Variants in GRM7 observed in about 807,000 individuals in gnomAD.
GRM7 encodes metabotropic glutamate receptor 7.
Under a neutral mutation model 84.5 loss-of-function variants are expected in GRM7, and 35 were observed. That is an observed-to-expected ratio of 0.41 (90% CI 0.32 to 0.55). GRM7 has a LOEUF of 0.55. Ranked by LOEUF, GRM7 falls within the 20% of genes least tolerant of loss-of-function variation. The pLI, the probability that GRM7 is intolerant of heterozygous loss-of-function variation, is 0.19. For missense variants in GRM7, 1,003 were observed against 1,194.6 expected (o/e 0.84, Z 2.36); for synonymous variants, 487 against 455.1 (o/e 1.07, Z -0.89).
chr3:7,332,992 C>G (rs1201616085), intron 4 of GRM7, among the ~76,000 whole-genome samples: 2 of 152,148 alleles, frequency 1.3e-5, no homozygotes, highest in Non-Finnish European at 2.9e-5. Flanking sequence ...TTATATCCCC[C>G]TTCTACTACC....
intron 9 of GRM7, among the ~76,000 whole-genome samples, chr3:7,719,487 A>G (rs1010553864): frequency 6.6e-6 from 1 of 152,162 alleles, no homozygotes; most frequent in Non-Finnish European, 1.5e-5. Context: ...AAAGGCTGGC[A>G]ATCCCATGTC....
chr3:7,688,938 C>G (rs1371075812), intron 9 of GRM7, among the ~76,000 whole-genome samples: 1 of 152,208 alleles, frequency 6.6e-6, no homozygotes, highest in Non-Finnish European at 1.5e-5. Flanking sequence ...GACAAACACT[C>G]TCAGCCAGGC....
At chr3:7,645,594 C>CCTAT (rs1343015700) in intron 8 of GRM7, among the ~76,000 whole-genome samples, 37 of 150,602 alleles carry the variant, frequency 2.5e-4, no homozygotes, top group South Asian at 1.1e-3. Flanking sequence ...GCCTACATTC[C>CCTAT]CTATCTCCCT....
chr3:7,157,187 G>C (rs963786592), intron 2 of GRM7, among the ~76,000 whole-genome samples: 2 of 152,026 alleles, frequency 1.3e-5, no homozygotes, highest in African/African-American at 4.8e-5. Flanking sequence ...AAGTAAGAAA[G>C]CACCCCATTG....
chr3:6,892,738 T>TTGGCAACCCAACAGCCCTCTGTGC (rs1345527067), intron 1 of GRM7: 2 of 152,202 alleles, frequency 1.3e-5, no homozygotes, highest in African/African-American at 4.8e-5. Flanking sequence ...AAACTCTGTG[T>TTGGCAACCCAACAGCCCTCTGTGC]TGGCAACCCA....
intron 1 of GRM7, among the ~76,000 whole-genome samples, chr3:7,051,018 A>G (rs953662887): frequency 6.6e-6 from 1 of 151,806 alleles, no homozygotes; most frequent in African/African-American, 2.4e-5. Flanking sequence ...ACTATTTTTA[A>G]TTTATATTTT....
intron 1 of GRM7, among the ~76,000 whole-genome samples, chr3:6,999,789 C>T (rs1344040149): frequency 1.3e-5 from 2 of 152,126 alleles, no homozygotes; most frequent in Non-Finnish European, 2.9e-5. Flanking sequence ...ATCACGAGAA[C>T]AGCATGGAGG....
intron 1 of GRM7, among the ~76,000 whole-genome samples, chr3:7,127,061 C>T (rs1242042118): frequency 1.3e-5 from 2 of 152,230 alleles, no homozygotes; most frequent in African/African-American, 2.4e-5. Context: ...CATCCCCAAA[C>T]TGGAATGATG....
intron 2 of GRM7, among the ~76,000 whole-genome samples, chr3:7,185,714 C>G (rs1695491953): frequency 1.3e-5 from 2 of 152,154 alleles, no homozygotes; most frequent in Admixed American, 6.6e-5. Context: ...ATCCTGTGCA[C>G]TAACTCAGAA....
intron 4 of GRM7, among the ~76,000 whole-genome samples, chr3:7,408,064 T>G (rs1471353701): frequency 6.6e-6 from 1 of 152,170 alleles, no homozygotes; most frequent in Non-Finnish European, 1.5e-5. Context: ...ATTGAGAAAC[T>G]TCGACCGGTT....
intron 4 of GRM7, among the ~76,000 whole-genome samples, chr3:7,410,602 C>T (rs1050966545): frequency 4.8e-4 from 66 of 138,234 alleles, no homozygotes; most frequent in African/African-American, 2.0e-3. Context: ...TATATATACA[C>T]ACACACACAC....
chr3:7,269,834 T>C (rs1216853345), intron 2 of GRM7, among the ~76,000 whole-genome samples: 1 of 152,196 alleles, frequency 6.6e-6, no homozygotes, highest in Non-Finnish European at 1.5e-5. Flanking sequence ...CTCTGAGGGC[T>C]TCTGCAGCTC....
At chr3:6,884,193 G>C (rs747566022) in intron 1 of GRM7, 12 of 152,574 alleles carry the variant, frequency 7.9e-5, no homozygotes, top group Admixed American at 2.0e-4. Context: ...AAGTACAGTA[G>C]CTACCTGTTC....
intron 1 of GRM7, among the ~76,000 whole-genome samples, chr3:7,139,338 A>G (rs1161040980): frequency 6.6e-6 from 1 of 151,752 alleles, no homozygotes; most frequent in Non-Finnish European, 1.5e-5. Flanking sequence ...ACAGCAACAC[A>G]CAGCATTCAG....
intron 7 of GRM7, among the ~76,000 whole-genome samples, chr3:7,476,295 C>A (rs1275208585): frequency 6.6e-6 from 1 of 152,206 alleles, no homozygotes; most frequent in East Asian, 1.9e-4. Flanking sequence ...CGCCTGTAAT[C>A]CCAGTACTTT....
intron 2 of GRM7, among the ~76,000 whole-genome samples, chr3:7,168,804 T>A (rs1694890182): frequency 6.6e-6 from 1 of 152,194 alleles, no homozygotes; most frequent in South Asian, 2.1e-4. Context: ...AGACTAGTCC[T>A]AAGGTAATGG....
intron 1 of GRM7, among the ~76,000 whole-genome samples, chr3:6,993,887 A>G (rs1200579179): frequency 6.6e-6 from 1 of 152,184 alleles, no homozygotes; most frequent in Admixed American, 6.5e-5. Flanking sequence ...GAAGGGATGA[A>G]TTCATTTTCA....
At chr3:6,878,484 G>A (rs1157673662) in intron 1 of GRM7, among the ~76,000 whole-genome samples, 1 of 151,054 alleles carries the variant, frequency 6.6e-6, no homozygotes, top group Non-Finnish European at 1.5e-5. Context: ...CTAGTTTAAT[G>A]AGCAAATGCT....
At chr3:7,644,820 T>C (rs1441658505) in intron 8 of GRM7, among the ~76,000 whole-genome samples, 2 of 152,180 alleles carry the variant, frequency 1.3e-5, no homozygotes, top group Non-Finnish European at 2.9e-5. Context: ...TTCCAGACTG[T>C]CTGGACAGTC....
Sources: gnomAD v4.1 joint callset for allele counts (sites outside exome capture counted in the v4.1 genomes callset) on GRCh38, gnomAD v4.1.1 for gene constraint, MANE v1.5 for transcripts, NCBI Gene and HGNC (gene_info 2026-07-23, HGNC 2026-07-21) for gene names.